The following NRXN3 variants were observed in gnomAD, a reference collection of about 807,000 sequenced individuals.
NRXN3 encodes neurexin III.
Under a neutral mutation model 137.6 loss-of-function variants are expected in NRXN3, and 32 were observed. The ratio of observed to expected loss-of-function variants is 0.23; its 90% CI spans 0.18 to 0.31. The LOEUF (loss-of-function observed/expected upper bound fraction) is 0.31, where lower values mean the gene tolerates loss of function less well. Among genes scored for constraint, NRXN3 ranks in the 10% least tolerant of loss-of-function variants. The probability of loss-of-function intolerance (pLI) is 1.00; values close to 1 mark genes in which losing one functional copy is unlikely to be tolerated. For synonymous variants in NRXN3, 798 were observed against 784.5 expected (o/e 1.02, Z -0.29); for missense variants, 1,574 against 2,062.5 (o/e 0.76, Z 4.59).
At chr14:79,192,765 A>ATTTTTT (rs961910712) in intron 15 of NRXN3, among the ~76,000 whole-genome samples, 3 of 115,296 alleles carry the variant, frequency 2.6e-5, no homozygotes, top group Admixed American at 1.1e-4. Flanking sequence ...AATTCTCTTA[A>ATTTTTT]TTTTTTTTTT....
chr14:78,203,458 G>A (rs1292335055), intron 1 of NRXN3, among the ~76,000 whole-genome samples: 1 of 152,070 alleles, frequency 6.6e-6, no homozygotes, highest in African/African-American at 2.4e-5. Flanking sequence ...TCAGCTGCTC[G>A]GCTCAGTTTC....
chr14:79,433,181 T>C (rs1304177283), intron 15 of NRXN3, among the ~76,000 whole-genome samples: 2 of 152,228 alleles, frequency 1.3e-5, no homozygotes, highest in Non-Finnish European at 2.9e-5. Flanking sequence ...GAATGCCATA[T>C]GTGCAATAAT....
At chr14:78,405,508 T>G (rs2092418223) in intron 4 of NRXN3, among the ~76,000 whole-genome samples, 1 of 151,472 alleles carries the variant, frequency 6.6e-6, no homozygotes, top group African/African-American at 2.4e-5. Context: ...TCACTGATCA[T>G]TCCCTCCTCA....
intron 8 of NRXN3, among the ~76,000 whole-genome samples, chr14:78,755,479 G>T (rs1471262036): frequency 1.3e-5 from 2 of 152,160 alleles, no homozygotes; most frequent in Admixed American, 6.5e-5. Context: ...GTCAATAAAT[G>T]AGTGAGCACA....
chr14:79,409,596 A>AGTGTGT (rs34072420), intron 15 of NRXN3, among the ~76,000 whole-genome samples: 19 of 128,944 alleles, frequency 1.5e-4, no homozygotes, highest in East Asian at 4.4e-4. Context: ...TGTCTTAGCA[A>AGTGTGT]GTGTGTGTGT....
At chr14:78,553,074 C>T (rs1173407755) in intron 4 of NRXN3, among the ~76,000 whole-genome samples, 1 of 152,098 alleles carries the variant, frequency 6.6e-6, no homozygotes, top group African/African-American at 2.4e-5. Context: ...ATCATAACAA[C>T]CTTATGAAGT....
intron 10 of NRXN3, among the ~76,000 whole-genome samples, chr14:78,911,425 C>G (rs2152782283): frequency 6.6e-6 from 1 of 152,246 alleles, no homozygotes; most frequent in African/African-American, 2.4e-5. Flanking sequence ...TAATACCAAG[C>G]CTCTGTGATA....
intron 15 of NRXN3, chr14:79,314,218 C>G (rs1430916888): frequency 2.2e-5 from 3 of 136,966 alleles, no homozygotes; most frequent in Admixed American, 1.5e-4. Flanking sequence ...GCACCGTGCG[C>G]GAGCCGAAGC....
chr14:78,303,406 G>A (rs75398375), intron 4 of NRXN3, among the ~76,000 whole-genome samples: 2,430 of 152,162 alleles, frequency 0.016, 58 homozygotes, highest in African/African-American at 0.05. Context: ...ATCCAGATGT[G>A]TCTAGCATAG....
At chr14:79,830,518 T>A (rs1033068404) in intron 20 of NRXN3, among the ~76,000 whole-genome samples, 1 of 152,070 alleles carries the variant, frequency 6.6e-6, no homozygotes, top group Non-Finnish European at 1.5e-5. Flanking sequence ...AGTACCCAAT[T>A]AGTAAAGGGG....
chr14:78,926,460 G>A (rs1248744713), intron 10 of NRXN3, among the ~76,000 whole-genome samples: 1 of 149,222 alleles, frequency 6.7e-6, no homozygotes, highest in Admixed American at 6.9e-5. Context: ...CATAATTTTG[G>A]CCAAGTGCAG....
At chr14:79,354,672 G>T (rs567080588) in intron 15 of NRXN3, among the ~76,000 whole-genome samples, 1 of 152,292 alleles carries the variant, frequency 6.6e-6, no homozygotes, top group East Asian at 1.9e-4. Flanking sequence ...ATTTAAAAAT[G>T]TATGTGGAAA....
intron 4 of NRXN3, among the ~76,000 whole-genome samples, chr14:78,366,605 C>G (rs1012323079): frequency 6.6e-6 from 1 of 152,038 alleles, no homozygotes; most frequent in Non-Finnish European, 1.5e-5. Context: ...GCTGGGGAGG[C>G]CTCACAATTA....
At chr14:78,934,284 A>G (rs2099329601) in intron 10 of NRXN3, among the ~76,000 whole-genome samples, 1 of 152,076 alleles carries the variant, frequency 6.6e-6, no homozygotes, top group Non-Finnish European at 1.5e-5. Flanking sequence ...TTTAAAGGCC[A>G]TGAGGTATTT....
intron 15 of NRXN3, among the ~76,000 whole-genome samples, chr14:79,362,000 AT>A (rs2153418690): frequency 7.5e-6 from 1 of 132,736 alleles, no homozygotes; most frequent in Admixed American, 7.6e-5. Context: ...TTTTATAATT[AT>A]TATTATTATT....
intron 4 of NRXN3, among the ~76,000 whole-genome samples, chr14:78,342,410 A>G (rs214006): frequency 0.8 from 121,894 of 152,126 alleles, 50,301 homozygotes; most frequent in Non-Finnish European, 0.9. Context: ...ATTAGGTGCC[A>G]AGATTGCCGA....
intron 15 of NRXN3, among the ~76,000 whole-genome samples, chr14:79,142,393 C>A (rs1193464587): frequency 6.6e-6 from 1 of 151,438 alleles, no homozygotes; most frequent in Non-Finnish European, 1.5e-5. Context: ...GCCACTGCAC[C>A]CCAGCCTGGG....
intron 4 of NRXN3, among the ~76,000 whole-genome samples, chr14:78,395,907 A>G (rs530265135): frequency 2.3e-4 from 35 of 152,018 alleles, no homozygotes; most frequent in African/African-American, 7.0e-4. Flanking sequence ...TGTAGATAGC[A>G]TATAGTTGGG....
At chr14:78,509,932 G>A (rs1173927860) in intron 4 of NRXN3, among the ~76,000 whole-genome samples, 1 of 151,886 alleles carries the variant, frequency 6.6e-6, no homozygotes, top group Non-Finnish European at 1.5e-5. Context: ...TGAAAGTAAA[G>A]GTTCTGAGAC....
Sources: allele counts gnomAD v4.1 joint callset (sites outside exome capture counted in the v4.1 genomes callset), GRCh38; gene constraint gnomAD v4.1.1; transcripts MANE v1.5; gene names NCBI Gene and HGNC (gene_info 2026-07-23, HGNC 2026-07-21).